Variants in SLC25A33 observed in about 807,000 individuals in gnomAD.
The protein encoded by SLC25A33 is solute carrier family 25 member 33, also known as bone marrow stromal cell mitochondrial carrier protein.
In SLC25A33, 15 loss-of-function variants were observed where a neutral mutation model predicts 35.5. The observed-to-expected ratio is 0.42, with a 90% confidence interval of 0.28 to 0.65. The LOEUF is 0.65. SLC25A33 is among the 30% of genes least tolerant of loss of function. The probability of loss-of-function intolerance (pLI) is 0.20; values close to 1 mark genes in which losing one functional copy is unlikely to be tolerated. For synonymous variants in SLC25A33, 136 were observed against 148.7 expected (o/e 0.91, Z 0.62); for missense variants, 257 against 398.5 (o/e 0.64, Z 3.02).
chr1:9,577,551 T>C (rs913406738), intron 5 of SLC25A33, among the ~76,000 whole-genome samples: 5 of 151,964 alleles, frequency 3.3e-5, no homozygotes, highest in African/African-American at 1.2e-4. Context: ...GGGAGTGTAG[T>C]TGGCGTGTAG....
intron 6 of SLC25A33, among the ~76,000 whole-genome samples, chr1:9,580,877 TAATAATA>T (rs1643736882): frequency 6.8e-6 from 1 of 146,562 alleles, no homozygotes; most frequent in Non-Finnish European, 1.5e-5. Context: ...ATAATAATAA[TAATAATA>T]ATAATAATAA....
chr1:9,540,203 T>C (rs1490062530), intron 1 of SLC25A33, among the ~76,000 whole-genome samples: 2 of 152,130 alleles, frequency 1.3e-5, no homozygotes, highest in Admixed American at 1.3e-4. Flanking sequence ...CGGGAGGTCA[T>C]CCGGACGGGC....
Position 9,582,623 on chromosome 1 carries a change from A to C in SLC25A33, c.*122A>C. On this transcript the variant is annotated 3_prime_UTR_variant, in exon 7 of 7. Coordinates refer to ENST00000302692, the MANE Select transcript of SLC25A33 (RefSeq NM_032315.3). The surrounding 1 kb of genome is among the most constrained non-coding windows in gnomAD (Gnocchi z 4.0). ...AAAGGCCATAAAATATCTGGTTCATATCACCTGTTGGACATTTCCTTTTGG... is the reference window on the plus strand; with the variant it reads ...AAAGGCCATAAAATATCTGGTTCATCTCACCTGTTGGACATTTCCTTTTGG... 1.1e-6 allele frequency: 1 copy of C among 895,398 alleles called. No individual in the cohort carries two copies. Among genetic ancestry groups the C allele is most frequent in the Non-Finnish European group, 1.7e-6 (1 of 596,544 alleles). The allele number at this position is 895,398 out of a possible 1,614,324, so 55.5% of individuals were successfully genotyped here. A position where few individuals can be genotyped will look rare whatever the true frequency, so the allele number is the denominator to read the frequency against.
At chr1:9,564,786 T>G (rs1643480108) in intron 2 of SLC25A33, among the ~76,000 whole-genome samples, 1 of 135,388 alleles carries the variant, frequency 7.4e-6, no homozygotes, top group Non-Finnish European at 1.6e-5. Flanking sequence ...TAGCTGAGCG[T>G]GGTGGCACTC....
intron 1 of SLC25A33, among the ~76,000 whole-genome samples, chr1:9,549,000 C>T (rs778803255): frequency 6.6e-6 from 1 of 152,150 alleles, no homozygotes; most frequent in Non-Finnish European, 1.5e-5. Context: ...ACTCTGTCCC[C>T]GGCCCCTAGT....
At chr1:9,561,949 C>G (rs947341013) in intron 2 of SLC25A33, among the ~76,000 whole-genome samples, 1 of 152,046 alleles carries the variant, frequency 6.6e-6, no homozygotes, top group Non-Finnish European at 1.5e-5. Flanking sequence ...ACTGCTTGAA[C>G]CCTTAAAAGA....
intron 3 of SLC25A33, among the ~76,000 whole-genome samples, 164 bp from the exon 4 acceptor site, chr1:9,570,094 C>T (rs772806703): frequency 5.3e-5 from 8 of 152,136 alleles, no homozygotes; most frequent in African/African-American, 1.9e-4. Flanking sequence ...GCTTCCTGAA[C>T]GTGCCTGTGG....
At chr1:9,568,963 C>T (rs932212105) in intron 3 of SLC25A33, among the ~76,000 whole-genome samples, 75 of 151,382 alleles carry the variant, frequency 5.0e-4, no homozygotes, top group African/African-American at 1.8e-3. Flanking sequence ...AAACATAAAT[C>T]GGCTGGGCGC....
chr1:9,557,731 A>G (rs1023886755), intron 2 of SLC25A33, among the ~76,000 whole-genome samples: 2 of 152,220 alleles, frequency 1.3e-5, no homozygotes, highest in Non-Finnish European at 2.9e-5. Context: ...GGGAAATGTT[A>G]GAAAAAGACG....
intron 1 of SLC25A33, among the ~76,000 whole-genome samples, chr1:9,547,274 T>A (rs1384402336): frequency 6.6e-6 from 1 of 152,036 alleles, no homozygotes; most frequent in African/African-American, 2.4e-5. Context: ...GCCAACATGG[T>A]GAAACCCCAT....
In SLC25A33 at chr1:9,539,544, C is replaced by T. The variant is rs1643040908; in HGVS notation, c.-148C>T. On this transcript the variant is annotated 5_prime_UTR_variant, in exon 1 of 7. Coordinates refer to ENST00000302692, the MANE Select transcript of SLC25A33 (RefSeq NM_032315.3). ...GCGGAAGGCGCGGGCCGAGCAGAGC[C>T]GGGCGTTGGAGCCCGCGCGCGCATG... The T allele has an allele frequency of 4.5e-6, 2 of 445,218 alleles. No individual in the cohort carries two copies. Among genetic ancestry groups the T allele is most frequent in the South Asian group, 8.6e-5 (1 of 11,690 alleles). 27.6% of individuals were successfully genotyped at this position (445,218 alleles called of 1,614,324 possible).
intron 5 of SLC25A33, among the ~76,000 whole-genome samples, chr1:9,575,965 T>C: frequency 6.6e-6 from 1 of 152,218 alleles, no homozygotes; most frequent in East Asian, 1.9e-4. Context: ...TTCCTGGTCA[T>C]GCTGTCACCT....
rs952777101 is a variant in SLC25A33 at position 9,578,067 on chromosome 1, G to A, written c.483-1887G>A. Among the ~76,000 whole-genome samples, 7 of 152,078 alleles carry A rather than the reference G, an allele frequency of 4.6e-5. No individual in the cohort carries two copies. Among genetic ancestry groups the A allele is most frequent in the African/African-American group, 1.4e-4 (6 of 41,402 alleles). On this transcript the variant is annotated intron_variant, in intron 5 of 6. Transcript: ENST00000302692. This position sits in a 1 kb window ranked among gnomAD's most constrained non-coding sequence, Gnocchi z 4.3. ...CCTCCCGAGTAGCTGGGAAGTGCCC[G>A]CCACCATGCCCGGCTAATTTTTTGT...
chr1:9,577,741 G>A (rs539362741), intron 5 of SLC25A33, among the ~76,000 whole-genome samples: 4 of 152,174 alleles, frequency 2.6e-5, no homozygotes, highest in Admixed American at 2.6e-4. Flanking sequence ...CCCTCCAGGG[G>A]ACATTCAGCA....
At chr1:9,580,727 A>T (rs956817709) in intron 6 of SLC25A33, among the ~76,000 whole-genome samples, 1 of 151,822 alleles carries the variant, frequency 6.6e-6, no homozygotes, top group Non-Finnish European at 1.5e-5. Context: ...GTGGTGGCGC[A>T]CGCCTGTAGT....
At chr1:9,552,411 T>A (rs1457481048) in intron 1 of SLC25A33, among the ~76,000 whole-genome samples, 7 of 151,816 alleles carry the variant, frequency 4.6e-5, no homozygotes, top group Admixed American at 3.9e-4. Context: ...TTTTTTTTTT[T>A]AGTAGAGATT....
At chr1:9,559,498 T>G (rs1024873844) in intron 2 of SLC25A33, among the ~76,000 whole-genome samples, 1 of 147,554 alleles carries the variant, frequency 6.8e-6, no homozygotes, top group Non-Finnish European at 1.5e-5. Context: ...CAAGGTTTTG[T>G]TTTTTTTTAA....
intron 4 of SLC25A33, among the ~76,000 whole-genome samples, chr1:9,571,592 T>C (rs1643591446): frequency 6.6e-6 from 1 of 152,042 alleles, no homozygotes; most frequent in African/African-American, 2.4e-5. Context: ...GGCTCTTTTG[T>C]ATAGAGTTCT....
Position 9,582,243 on chromosome 1 carries a change from G to A in SLC25A33, c.764-56G>A, listed in dbSNP as rs910849798. The A allele has an allele frequency of 3.0e-5, 47 of 1,583,236 alleles. No homozygotes were observed. The highest frequency in any genetic ancestry group is 3.6e-5 in the Non-Finnish European group (42 of 1,152,482). On this transcript the variant is annotated intron_variant, in intron 6 of 6. Coordinates refer to ENST00000302692, the MANE Select transcript of SLC25A33 (RefSeq NM_032315.3). The surrounding 1 kb of genome is among the most constrained non-coding windows in gnomAD (Gnocchi z 4.0). ...CTTGACAGTTTTAAAGTTGTGTGCT[G>A]TGGATTCGTTCCCCATTTAATATGT...
Sources: gnomAD v4.1 joint callset for allele counts (sites outside exome capture counted in the v4.1 genomes callset) on GRCh38, gnomAD v4.1.1 for gene constraint, Gnocchi (gnomAD v3.1) non-coding constraint, MANE v1.5 for transcripts, NCBI Gene and HGNC (gene_info 2026-07-23, HGNC 2026-07-21) for gene names.